The following SEL1L2 variants were observed in gnomAD, a reference collection of about 807,000 sequenced individuals.
SEL1L2 encodes protein sel-1 homolog 2.
Under a neutral mutation model 98.8 loss-of-function variants are expected in SEL1L2, and 89 were observed. The ratio of observed to expected loss-of-function variants is 0.90; its 90% CI spans 0.76 to 1.07. The LOEUF (loss-of-function observed/expected upper bound fraction) is 1.07, where lower values mean the gene tolerates loss of function less well. SEL1L2 is among the 50% of genes least tolerant of loss of function. The probability of loss-of-function intolerance (pLI) is 0.00; values close to 1 mark genes in which losing one functional copy is unlikely to be tolerated. For synonymous variants in SEL1L2, 262 were observed against 278.5 expected (o/e 0.94, Z 0.59); for missense variants, 788 against 812.0 (o/e 0.97, Z 0.36).
intron 18 of SEL1L2, among the ~76,000 whole-genome samples, chr20:13,856,617 G>T (rs974388562): frequency 1.4e-4 from 22 of 152,216 alleles, no homozygotes; most frequent in African/African-American, 4.8e-4. Context: ...TGGCTGAGAC[G>T]CTTCTCAGTG....
intron 2 of SEL1L2, among the ~76,000 whole-genome samples, chr20:13,946,045 T>C (rs899299234): frequency 2.0e-5 from 3 of 152,186 alleles, no homozygotes; most frequent in Admixed American, 2.0e-4. Flanking sequence ...ACCAAAAGCT[T>C]TTCCTCTGAG....
At chr20:13,957,751 A>C (rs1321245) in intron 1 of SEL1L2, among the ~76,000 whole-genome samples, 3 of 152,028 alleles carry the variant, frequency 2.0e-5, no homozygotes, top group Non-Finnish European at 4.4e-5. Context: ...GGTGGCATGC[A>C]CCTGAAATCC....
intron 2 of SEL1L2, among the ~76,000 whole-genome samples, chr20:13,950,642 A>G (rs2050217685): frequency 6.6e-6 from 1 of 152,216 alleles, no homozygotes; most frequent in Admixed American, 6.5e-5. Context: ...GGATGGGACT[A>G]TTGGAAGCAA....
intron 4 of SEL1L2, among the ~76,000 whole-genome samples, chr20:13,918,408 C>T (rs941142121): frequency 2.4e-4 from 37 of 152,230 alleles, no homozygotes; most frequent in Middle Eastern, 3.4e-3. Context: ...ATTTCTGCCT[C>T]CCCTTTAGAC....
At chr20:13,943,953 A>AAGAG (rs61248158) in intron 2 of SEL1L2, among the ~76,000 whole-genome samples, 6 of 151,824 alleles carry the variant, frequency 4.0e-5, no homozygotes, top group Admixed American at 3.9e-4. Context: ...GGAACCAATT[A>AAGAG]AGAGAGAGAG....
At chr20:13,955,941 G>C (rs1600910529) in intron 2 of SEL1L2, 135 bp downstream of exon 2, 2 of 598,592 alleles carry the variant, frequency 3.3e-6, no homozygotes, top group East Asian at 6.1e-5. Flanking sequence ...TTTGTTGAAT[G>C]AATGAAAGAA....
Position 13,908,958 on chromosome 20 carries a change from T to G in SEL1L2, c.549+4824A>C, listed in dbSNP as rs555281218. Reference sequence around the variant, plus strand: ...TGTCACTTTAATAGGAATTCCTATCTTTTTGTTCTTGTTATTGTTAAATAG... The same window carrying G: ...TGTCACTTTAATAGGAATTCCTATCGTTTTGTTCTTGTTATTGTTAAATAG... On this transcript the variant is annotated intron_variant, in intron 5 of 19. Transcript: ENST00000284951. 5.3e-5 allele frequency among the ~76,000 whole-genome samples: 8 copies of G among 150,746 alleles called. No homozygotes were observed. In the South Asian group the frequency reaches 1.7e-3, roughly 31 times the overall value.
chr20:13,861,164 C>A (rs1262648131), intron 17 of SEL1L2, among the ~76,000 whole-genome samples: 1 of 151,618 alleles, frequency 6.6e-6, no homozygotes, highest in African/African-American at 2.4e-5. Context: ...CCAGGATGAT[C>A]TTTTTTTTTA....
chr20:13,983,400 T>C (rs189973907), intron 1 of SEL1L2, among the ~76,000 whole-genome samples: 1 of 152,266 alleles, frequency 6.6e-6, no homozygotes, highest in Admixed American at 6.5e-5. Flanking sequence ...CAGACCTGTC[T>C]GTTTTGCCTT....
chr20:13,926,297 A>G (rs919759061), intron 3 of SEL1L2, among the ~76,000 whole-genome samples: 3 of 151,714 alleles, frequency 2.0e-5, no homozygotes, highest in Non-Finnish European at 4.4e-5. Context: ...CCTGGGCGAC[A>G]GAGCGAGACT....
At chr20:13,966,258 T>C (rs1254009880) in intron 1 of SEL1L2, among the ~76,000 whole-genome samples, 1 of 152,164 alleles carries the variant, frequency 6.6e-6, no homozygotes, top group East Asian at 1.9e-4. Context: ...ACATCATCAA[T>C]TGGTGTTTGT....
chr20:13,857,088 A>G (rs1460676331), intron 18 of SEL1L2, among the ~76,000 whole-genome samples: 2 of 152,194 alleles, frequency 1.3e-5, no homozygotes, highest in African/African-American at 4.8e-5. Context: ...ATACTCAGTT[A>G]TTATTTTTGT....
At chr20:13,978,259 C>G (rs1466008946) in intron 1 of SEL1L2, among the ~76,000 whole-genome samples, 1 of 152,122 alleles carries the variant, frequency 6.6e-6, no homozygotes, top group African/African-American at 2.4e-5. Context: ...GAGGAAAGGA[C>G]ACTGTCTTCA....
At chr20:13,900,150 T>C (rs1040376741) in intron 5 of SEL1L2, among the ~76,000 whole-genome samples, 1 of 152,190 alleles carries the variant, frequency 6.6e-6, no homozygotes, top group Non-Finnish European at 1.5e-5. Context: ...TCCATAGTTA[T>C]AGGTCTAGTC....
upstream of SEL1L2, among the ~76,000 whole-genome samples, chr20:13,991,542 A>T (rs753223833): frequency 5.9e-5 from 9 of 152,348 alleles, no homozygotes; most frequent in Middle Eastern, 3.4e-3. Flanking sequence ...AGTGGCTGCC[A>T]GCATTCCTTG....
At position 13,860,718 on chromosome 20, in the gene SEL1L2, A is replaced by C. The variant is rs200313577; in HGVS notation, c.1646-1284T>G. ...CTCTCCAACAATCTGCTCCATCTCAACTCTTTCTCTGGGTGACCTTGTTTC... is the reference window on the plus strand; with the variant it reads ...CTCTCCAACAATCTGCTCCATCTCACCTCTTTCTCTGGGTGACCTTGTTTC... On this transcript the variant is annotated intron_variant, in intron 17 of 19. Transcript: ENST00000284951. Among the ~76,000 whole-genome samples the C allele has an allele frequency of 2.7e-5, 4 of 149,758 alleles. No homozygotes were observed. The East Asian group carries it at 7.8e-4, about 29-fold the overall frequency.
intron 3 of SEL1L2, among the ~76,000 whole-genome samples, chr20:13,929,931 C>T (rs933003722): frequency 6.6e-6 from 1 of 152,184 alleles, no homozygotes; most frequent in African/African-American, 2.4e-5. Flanking sequence ...GCTTGGATTA[C>T]AGGCACATGC....
chr20:13,986,902 G>A (rs1601059515), intron 1 of SEL1L2, among the ~76,000 whole-genome samples: 2 of 152,240 alleles, frequency 1.3e-5, no homozygotes, highest in Middle Eastern at 3.4e-3. Flanking sequence ...GCGCGATCTC[G>A]ACTCACTGCA....
At chr20:13,909,973 AAAACC>A (rs774827302) in intron 5 of SEL1L2, among the ~76,000 whole-genome samples, 1 of 152,312 alleles carries the variant, frequency 6.6e-6, no homozygotes, top group African/African-American at 2.4e-5. Context: ...TCTGTCTCAA[AAAACC>A]AAACCAAACC....
Sources: gnomAD v4.1 joint callset for allele counts (sites outside exome capture counted in the v4.1 genomes callset) on GRCh38, gnomAD v4.1.1 for gene constraint, MANE v1.5 for transcripts, NCBI Gene and HGNC (gene_info 2026-07-23, HGNC 2026-07-21) for gene names.